Variants in TNS3 observed in about 807,000 individuals in gnomAD.
TNS3 encodes the protein tensin-3.
Under a neutral mutation model 140.9 loss-of-function variants are expected in TNS3, and 45 were observed. The observed-to-expected ratio is 0.32, with a 90% CI of 0.25 to 0.41. The LOEUF is 0.41. TNS3 is among the 10% of genes least tolerant of loss of function. The pLI, the probability that TNS3 is intolerant of heterozygous loss-of-function variation, is 1.00. For missense variants in TNS3, 1,716 were observed against 1,906.7 expected, an observed-to-expected ratio of 0.90 and a Z score of 1.86; for synonymous variants, 815 against 788.4, an observed-to-expected ratio of 1.03 and a Z score of -0.56.
chr7:47,278,267 C>T, intron 30 of TNS3, 47 bp from the exon 31 acceptor site: 1 of 1,578,096 alleles, frequency 6.3e-7, no homozygotes, highest in South Asian at 1.2e-5. Context: ...CCACAAAGTA[C>T]CAAGCTTCTA....
chr7:47,507,074 CGA>C (rs1386588796), intron 2 of TNS3, 130 bp from the exon 3 acceptor site: 4 of 665,396 alleles, frequency 6.0e-6, no homozygotes, highest in Non-Finnish European at 8.9e-6. Context: ...CTCTCTGGCA[CGA>C]GAGAGATTTT....
At chr7:47,517,597 G>C (rs373017454) in intron 2 of TNS3, among the ~76,000 whole-genome samples, 3 of 152,174 alleles carry the variant, frequency 2.0e-5, no homozygotes, top group Non-Finnish European at 4.4e-5. Flanking sequence ...GAAACATTTT[G>C]TAAGCCTATA....
chr7:47,539,147 C>T (rs981458448), intron 1 of TNS3: 4 of 456,338 alleles, frequency 8.8e-6, no homozygotes, highest in African/African-American at 8.0e-5. Context: ...CAGGATAAAA[C>T]TCCTCCAACC....
intron 3 of TNS3, among the ~76,000 whole-genome samples, chr7:47,490,416 G>A (rs951569816): frequency 2.6e-5 from 4 of 152,214 alleles, no homozygotes; most frequent in East Asian, 1.9e-4. Flanking sequence ...TTTCAAAGAC[G>A]GTGGCATCAC....
At chr7:47,460,616 G>A (rs945960534) in intron 4 of TNS3, among the ~76,000 whole-genome samples, 26 of 152,378 alleles carry the variant, frequency 1.7e-4, no homozygotes, top group Non-Finnish European at 3.8e-4. Flanking sequence ...AAGCCAGGCT[G>A]ACTGTGAACA....
intron 20 of TNS3, among the ~76,000 whole-genome samples, chr7:47,334,247 G>C (rs1181348068): frequency 6.6e-6 from 1 of 152,182 alleles, no homozygotes; most frequent in African/African-American, 2.4e-5. Flanking sequence ...GCAGAGAAGA[G>C]GCTGCATGCT....
At chr7:47,394,709 G>C (rs1053822709) in intron 16 of TNS3, among the ~76,000 whole-genome samples, 17 of 152,228 alleles carry the variant, frequency 1.1e-4, no homozygotes, top group African/African-American at 3.9e-4. Flanking sequence ...TCTCCGTAAA[G>C]TTTCATGTAA....
chr7:47,372,768 G>C (rs1356356479), intron 16 of TNS3, among the ~76,000 whole-genome samples: 1 of 152,208 alleles, frequency 6.6e-6, no homozygotes, highest in Non-Finnish European at 1.5e-5. Flanking sequence ...ATGGGACAGA[G>C]AGAGTCCAAT....
chr7:47,505,371 A>G (rs1192433243), intron 3 of TNS3, among the ~76,000 whole-genome samples: 2 of 152,126 alleles, frequency 1.3e-5, no homozygotes, highest in Non-Finnish European at 2.9e-5. Context: ...CAAATAAACC[A>G]CGGTCAGAAA....
At chr7:47,542,926 C>CAAAAAAAAAAAAAAAAAAAAAAAA (rs33935034) in intron 1 of TNS3, among the ~76,000 whole-genome samples, 1 of 135,166 alleles carries the variant, frequency 7.4e-6, no homozygotes, top group African/African-American at 2.8e-5. Flanking sequence ...GCAAGACTGT[C>CAAAAAAAAAAAAAAAAAAAAAAAA]AAAAAAAAAA....
intron 1 of TNS3, among the ~76,000 whole-genome samples, chr7:47,568,081 C>T (rs902842844): frequency 1.3e-5 from 2 of 152,216 alleles, no homozygotes; most frequent in African/African-American, 4.8e-5. Flanking sequence ...CCCCCAAGAC[C>T]CTCTGAGAGG....
chr7:47,445,303 C>A (rs867927), intron 4 of TNS3, among the ~76,000 whole-genome samples: 39,748 of 152,066 alleles, frequency 0.26, 5,686 homozygotes, highest in Non-Finnish European at 0.32. Flanking sequence ...TTGCACGGAG[C>A]CCAGCAGAAA....
At chr7:47,343,217 C>T (rs925656711) in intron 20 of TNS3, among the ~76,000 whole-genome samples, 1 of 152,192 alleles carries the variant, frequency 6.6e-6, no homozygotes, top group Admixed American at 6.5e-5. Context: ...CATCTCCAGG[C>T]TGGGACAATC....
At chr7:47,509,553 G>A (rs1007859159) in intron 2 of TNS3, among the ~76,000 whole-genome samples, 2 of 152,156 alleles carry the variant, frequency 1.3e-5, no homozygotes, top group Non-Finnish European at 2.9e-5. Flanking sequence ...CATGGTCCAT[G>A]AAGGTGGGAC....
At chr7:47,510,073 G>A (rs1798554216) in intron 2 of TNS3, among the ~76,000 whole-genome samples, 1 of 152,216 alleles carries the variant, frequency 6.6e-6, no homozygotes, top group African/African-American at 2.4e-5. Flanking sequence ...ATCTTCGCCT[G>A]TTTTACTAAT....
intron 4 of TNS3, among the ~76,000 whole-genome samples, chr7:47,450,685 C>A (rs1795974675): frequency 2.0e-5 from 3 of 152,206 alleles, no homozygotes; most frequent in Admixed American, 2.0e-4. Flanking sequence ...CCTCTAGCTA[C>A]AGCCCAGGCT....
chr7:47,460,186 C>A (rs955896825), intron 4 of TNS3, among the ~76,000 whole-genome samples: 2 of 145,456 alleles, frequency 1.4e-5, no homozygotes, highest in Admixed American at 6.9e-5. Flanking sequence ...GCACTCCAGC[C>A]CGGGCGACAG....
intron 4 of TNS3, among the ~76,000 whole-genome samples, chr7:47,447,495 A>G (rs918272007): frequency 6.6e-6 from 1 of 152,072 alleles, no homozygotes; most frequent in Non-Finnish European, 1.5e-5. Context: ...CAGCCTCAGG[A>G]AAGGTCCTCC....
chr7:47,544,884 T>G (rs1357469984), intron 1 of TNS3, among the ~76,000 whole-genome samples: 1 of 151,776 alleles, frequency 6.6e-6, no homozygotes, highest in Non-Finnish European at 1.5e-5. Flanking sequence ...ATGATTTACT[T>G]TTCCACTCCT....
Sources: gnomAD v4.1 joint callset for allele counts (sites outside exome capture counted in the v4.1 genomes callset) on GRCh38, gnomAD v4.1.1 for gene constraint, MANE v1.5 for transcripts, NCBI Gene and HGNC (gene_info 2026-07-23, HGNC 2026-07-21) for gene names.